INPP5J: variants seen among roughly 807,000 people sequenced by gnomAD.
The protein encoded by INPP5J is inositol polyphosphate-5-phosphatase J.
A neutral mutation model predicts 86.6 loss-of-function variants in INPP5J; 75 were observed. That is an observed-to-expected ratio of 0.87 (90% confidence interval 0.72 to 1.05). INPP5J has a LOEUF of 1.05. Ranked by LOEUF, INPP5J falls within the 50% of genes least tolerant of loss-of-function variation. The pLI is 0.00. For missense variants in INPP5J, 1,229 were observed against 1,341.2 expected (o/e 0.92, Z 1.31); for synonymous variants, 540 against 550.0 (o/e 0.98, Z 0.25).
intron 9 of INPP5J, among the ~76,000 whole-genome samples, chr22:31,129,207 G>A (rs1471870911): frequency 3.4e-5 from 5 of 145,136 alleles, no homozygotes; most frequent in Non-Finnish European, 7.5e-5. Flanking sequence ...TGGGATTACA[G>A]GCGTGAGCTA....
intron 2 of INPP5J, 132 bp downstream of exon 2, chr22:31,126,142 C>T (rs940911076): frequency 1.0e-6 from 1 of 972,924 alleles, no homozygotes. Flanking sequence ...GGTTGCTGGG[C>T]CCACTCTGTG....
chr22:31,123,032 C>T lies in INPP5J; in HGVS notation c.18C>T (p.Ser6=). The change falls in exon 1 of 13, where the codon AGC becomes AGT. Residue 6 remains serine (S), a synonymous_variant. Transcript: ENST00000331075. The part of the protein sequence containing the change: MEGQS[S]RGSRRPGTRA... Reference sequence around the variant, plus strand: ...CTGCAGACATGGAGGGCCAGAGCAGCAGGGGCAGCAGGAGGCCAGGGACCC... The same window carrying T: ...CTGCAGACATGGAGGGCCAGAGCAGTAGGGGCAGCAGGAGGCCAGGGACCC... The T allele has an allele frequency of 6.8e-7, 1 of 1,467,864 alleles. No homozygotes were observed. Among genetic ancestry groups the T allele is most frequent in the East Asian group, 2.9e-5 (1 of 34,108 alleles). 90.9% of individuals were successfully genotyped at this position (1,467,864 alleles called of 1,614,324 possible).
At position 31,128,521 on chromosome 22, in the gene INPP5J, A is replaced by G; in HGVS notation, c.2060A>G (p.Lys687Arg). The G allele has an allele frequency of 6.2e-7, 1 of 1,613,564 alleles. No homozygotes were observed. Residue 687 changes from lysine to arginine, a missense_variant, in exon 9 of 13, where the codon AAG (lysine) becomes AGG (arginine). Lys to Arg is a conservative substitution (Grantham distance 26). Transcript: ENST00000331075. The stretch of plus-strand genomic sequence containing the variant: ...ACAGACCGTATCCTATGGAAGGTCA[A>G]GGCTCCAGGTGGGGGTCCCAGCCCC... ...AWTDRILWKV[K>R]APGGGPSPSG... is the part of the protein sequence containing the mutation.
Position 31,126,099 on chromosome 22 carries a change from C to T in INPP5J, c.1271+89C>T. 12 of 1,239,470 alleles carry T rather than the reference C, an allele frequency of 9.7e-6. No homozygotes were observed. The South Asian group carries it at 1.2e-4, about 13-fold the overall frequency. 76.8% of individuals were successfully genotyped at this position (1,239,470 alleles called of 1,614,324 possible). ...GGGTGGATGGTGTGCTCTACCTCAG[C>T]TTCTCTCTCTGAGGAAGAGTCTTTG... On this transcript the variant is annotated intron_variant, in intron 2 of 12. Coordinates refer to ENST00000331075, the MANE Select transcript of INPP5J (RefSeq NM_001284285.2).
rs779913050 is a variant in INPP5J, at chr22:31,125,965, C to G, written c.1226C>G (p.Ser409Cys). ...TCTTCTACATCCACCCTGTCATCCT[C>G]CCCTTGGTCAGCTCAGCCTACCTGG... ...TSSSTSTLSS[S>C]PWSAQPTWKS... is the part of the protein sequence containing the mutation. Residue 409 changes from serine to cysteine, a missense_variant, in exon 2 of 13, where the codon TCC becomes TGC. Coordinates refer to ENST00000331075, the MANE Select transcript of INPP5J (RefSeq NM_001284285.2). The G allele has an allele frequency of 1.4e-5, 22 of 1,603,518 alleles. 1 individual carries two copies. The East Asian group carries it at 4.9e-4, about 36-fold the overall frequency.
chr22:31,132,873 A>G (rs1190603608), intron 9 of INPP5J, among the ~76,000 whole-genome samples: 1 of 152,210 alleles, frequency 6.6e-6, no homozygotes, highest in Non-Finnish European at 1.5e-5. Flanking sequence ...CTTCAAAGCT[A>G]TGTTCTCACT....
intron 7 of INPP5J, 30 bp from the exon 8 acceptor site, chr22:31,128,184 G>T (rs200829278): frequency 1.6e-5 from 24 of 1,528,516 alleles, no homozygotes; most frequent in Middle Eastern, 1.7e-4. Flanking sequence ...CCAAGCTGTT[G>T]TCCAATCTGC....
chr22:31,134,485 C>A lies in INPP5J; in HGVS notation c.*66C>A. 7.2e-7 allele frequency: 1 copy of A among 1,386,676 alleles called. No homozygotes were observed. Among genetic ancestry groups the A allele is most frequent in the South Asian group, 1.6e-5 (1 of 61,316 alleles). The allele number at this position is 1,386,676 out of a possible 1,614,324, so 85.9% of individuals were successfully genotyped here. ...CCTCAATCTTTTGCAAGCCCACCTG[C>A]CTCTCTCCTGCTGCTCCTCCAGCTG... On this transcript the variant is annotated 3_prime_UTR_variant, in exon 13 of 13. Transcript: ENST00000331075.
intron 1 of INPP5J, among the ~76,000 whole-genome samples, chr22:31,123,660 C>T (rs978406551): frequency 2.0e-5 from 3 of 152,116 alleles, no homozygotes; most frequent in Non-Finnish European, 4.4e-5. Context: ...AACAGAAGTG[C>T]GTCTCCAGAG....
upstream of INPP5J, chr22:31,122,767 T>C (rs762646052): frequency 1.4e-4 from 59 of 427,530 alleles, 1 homozygote; most frequent in Non-Finnish European, 1.5e-4. Context: ...CTGCTGCCAG[T>C]TGGGACCTGG....
At chr22:31,122,745 A>C (rs1023467554), upstream of INPP5J, 6 of 415,812 alleles carry the variant, frequency 1.4e-5, no homozygotes, top group African/African-American at 1.0e-4. Context: ...AGGTAGACAG[A>C]CAGCCTCCTT....
At chr22:31,122,957 G>A (rs774192870), upstream of INPP5J, 11 of 1,167,164 alleles carry the variant, frequency 9.4e-6, no homozygotes, top group Admixed American at 4.1e-5. Context: ...ACTGGTTCCC[G>A]GGAGCGGTAG....
Position 31,125,323 on chromosome 22 carries a change from C to T in INPP5J, c.584C>T (p.Pro195Leu). ...CTGGCCCTGGCTTCTGAGGAGCAGC[C>T]CCCAGAACTCCCCTCCACCCCTTCC... ...LSLALASEEQ[P>L]PELPSTPSPV... Residue 195 changes from proline (P) to leucine (L), a missense_variant, in exon 2 of 13, where the codon CCC (proline) becomes CTC (leucine). Coordinates refer to ENST00000331075, the MANE Select transcript of INPP5J (RefSeq NM_001284285.2). 1 of 1,550,520 alleles carries T rather than the reference C, an allele frequency of 6.4e-7. No individual in the cohort carries two copies. Among genetic ancestry groups the T allele is most frequent in the Non-Finnish European group, 8.7e-7 (1 of 1,146,964 alleles).
chr22:31,132,327 T>C (rs1922128321), intron 9 of INPP5J, among the ~76,000 whole-genome samples: 1 of 152,196 alleles, frequency 6.6e-6, no homozygotes, highest in South Asian at 2.1e-4. Context: ...TTGGTCTTCC[T>C]TGCTAGCATA....
chr22:31,125,743 A>G lies in INPP5J; in HGVS notation c.1004A>G (p.Gln335Arg). ...TTCCGGCCTGGGGCCCCCTCAGGCC[A>G]GACTGTGCCCCCACCTCTGCCCAAG... ...PTFRPGAPSG[Q>R]TVPPPLPKPP... The change falls in exon 2 of 13, where the codon CAG (glutamine) becomes CGG (arginine). Residue 335 changes from glutamine to arginine, a missense_variant. Physicochemically the swap from Gln to Arg is conservative, Grantham distance 43. Coordinates refer to ENST00000331075, the MANE Select transcript of INPP5J (RefSeq NM_001284285.2). 1 of 1,550,112 alleles carries G rather than the reference A, an allele frequency of 6.5e-7. No homozygotes were observed. The highest frequency in any genetic ancestry group is 2.4e-5 in the East Asian group (1 of 40,866).
Position 31,128,517 on chromosome 22 carries a change from G to A in INPP5J, c.2056G>A (p.Val686Ile), listed in dbSNP as rs1287614655. Residue 686 changes from valine to isoleucine, a missense_variant, in exon 9 of 13, where the codon GTC becomes ATC. Physicochemically the swap from Val to Ile is conservative, Grantham distance 29 (BLOSUM62 3). Transcript: ENST00000331075. ...PAWTDRILWK[V>I]KAPGGGPSPS... ...TTGGACAGACCGTATCCTATGGAAG[G>A]TCAAGGCTCCAGGTGGGGGTCCCAG... The A allele has an allele frequency of 1.2e-6, 2 of 1,613,430 alleles. No individual in the cohort carries two copies. Among genetic ancestry groups the A allele is most frequent in the African/African-American group, 1.3e-5 (1 of 74,922 alleles).
At position 31,134,226 on chromosome 22, in the gene INPP5J, G is replaced by T. The variant is rs1189087145; in HGVS notation, c.2828G>T (p.Gly943Val). The change falls in exon 13 of 13, where the codon GGG becomes GTG. Residue 943 changes from glycine to valine, a missense_variant. Transcript: ENST00000331075. ...GGCAGTAGTGAAGAGGGGCCCTCTG[G>T]GTTGCCTGGCCCCTGGGCCTTCCCA... The part of the protein sequence containing the change: ...SRGSSEEGPS[G>V]LPGPWAFPPA... 4 of 1,550,022 alleles carry T rather than the reference G, an allele frequency of 2.6e-6. No individual in the cohort carries two copies. Among genetic ancestry groups the T allele is most frequent in the African/African-American group, 2.7e-5 (2 of 73,050 alleles).
At chr22:31,133,074 C>T (rs1704369000) in intron 9 of INPP5J, 24 bp from the exon 10 acceptor site, 1 of 1,554,182 alleles carries the variant, frequency 6.4e-7, no homozygotes, top group African/African-American at 1.4e-5. Context: ...GATGTGGCCC[C>T]CTGCCCCTGC....
Position 31,128,674 on chromosome 22 carries a change from TC to T in INPP5J, c.2193+24del, listed in dbSNP as rs1374883787. 1 of 1,545,028 alleles carries T rather than the reference TC, an allele frequency of 6.5e-7. No individual in the cohort carries two copies. Among genetic ancestry groups the T allele is most frequent in the Non-Finnish European group, 8.7e-7 (1 of 1,146,920 alleles). On this transcript the variant is annotated intron_variant, in intron 9 of 12. Coordinates refer to ENST00000331075, the MANE Select transcript of INPP5J (RefSeq NM_001284285.2). ...CTGCAGGTGAGTTCTGGCCTCATCC[TC>T]CCCGCATGAAATCCCCAGGCCCAAC...
Sources: allele counts gnomAD v4.1 joint callset (sites outside exome capture counted in the v4.1 genomes callset), GRCh38; gene constraint gnomAD v4.1.1; transcripts MANE v1.5; gene names NCBI Gene and HGNC (gene_info 2026-07-23, HGNC 2026-07-21).